The following DAB1 variants were observed in gnomAD, a reference collection of about 807,000 sequenced individuals.
DAB1 encodes DAB adaptor protein 1, also known as disabled homolog 1.
In DAB1, 15 loss-of-function variants were observed where a neutral mutation model predicts 64.6. The ratio of observed to expected loss-of-function variants is 0.23; its 90% CI spans 0.16 to 0.36. The LOEUF is 0.36. Among genes scored for constraint, DAB1 ranks in the 10% least tolerant of loss-of-function variants. The pLI, the probability that DAB1 is intolerant of heterozygous loss-of-function variation, is 1.00. For synonymous variants in DAB1, 235 were observed against 251.9 expected, an observed-to-expected ratio of 0.93 and a Z score of 0.64; for missense variants, 596 against 706.7, an observed-to-expected ratio of 0.84 and a Z score of 1.78.
At chr1:58,125,489 G>A (rs928983463) in intron 5 of DAB1, among the ~76,000 whole-genome samples, 3 of 149,438 alleles carry the variant, frequency 2.0e-5, no homozygotes, top group Admixed American at 1.3e-4. Context: ...CACCCAGGCT[G>A]GAGTGCAGTG....
intron 1 of DAB1, among the ~76,000 whole-genome samples, chr1:58,544,593 G>A (rs1646671823): frequency 6.6e-6 from 1 of 152,042 alleles, no homozygotes; most frequent in Non-Finnish European, 1.5e-5. Context: ...AATTCCCATT[G>A]TTTTTCTTTT....
chr1:58,259,984 C>T (rs1001513260), intron 4 of DAB1, among the ~76,000 whole-genome samples: 2 of 152,154 alleles, frequency 1.3e-5, no homozygotes, highest in East Asian at 1.9e-4. Flanking sequence ...TATTACTAAA[C>T]CTATTTATGG....
rs185245935 is a variant in DAB1 at position 58,354,898 on chromosome 1, C to G, written n.258-11495G>C. Among the ~76,000 whole-genome samples, 259 of 152,292 alleles carry G rather than the reference C, an allele frequency of 1.7e-3. 1 individual carries two copies. Among genetic ancestry groups the G allele is most frequent in the African/African-American group, 6.1e-3 (254 of 41,570 alleles). On this transcript the variant is annotated intron_variant and non_coding_transcript_variant, in intron 3 of 20. Transcript: ENST00000485760. The stretch of plus-strand genomic sequence containing the variant: ...CATGTGTAACTTGCCCAAAATCACA[C>G]AGCTGACAAATAGCATCATTAGACT...
chr1:57,707,519 A>T (rs1410145092), intron 6 of DAB1, among the ~76,000 whole-genome samples: 1 of 152,060 alleles, frequency 6.6e-6, no homozygotes, highest in African/African-American at 2.4e-5. Context: ...CGAGGTTTTC[A>T]TTTCTCTGGG....
intron 1 of DAB1, among the ~76,000 whole-genome samples, chr1:57,421,895 G>T (rs1458693983): frequency 1.1e-4 from 13 of 119,314 alleles, no homozygotes; most frequent in Non-Finnish European, 1.9e-4. Context: ...AAAGAGATGG[G>T]GGGTGGCGGG....
intron 5 of DAB1, among the ~76,000 whole-genome samples, chr1:57,974,397 G>C (rs547566067): frequency 7.2e-5 from 11 of 152,078 alleles, no homozygotes; most frequent in African/African-American, 2.4e-4. Context: ...TTGTTCACTG[G>C]TGTATCTCTG....
chr1:57,912,433 G>A lies in DAB1; in HGVS notation n.388-28271C>T, dbSNP rs1214775850. ...ACTCTCAATAAATTAGGTATTGATG[G>A]GATGCATCTCAAAATAATAAGAGCT... is the stretch of plus-strand genomic sequence containing the variant. On this transcript the variant is annotated intron_variant and non_coding_transcript_variant, in intron 5 of 20. Coordinates refer to the DAB1 transcript ENST00000485760. Among the ~76,000 whole-genome samples, 7 of 152,230 alleles carry A rather than the reference G, an allele frequency of 4.6e-5. 1 individual carries two copies. The South Asian group carries it at 8.3e-4, about 18-fold the overall frequency.
At chr1:58,012,896 G>A (rs1316056199) in intron 5 of DAB1, among the ~76,000 whole-genome samples, 1 of 152,210 alleles carries the variant, frequency 6.6e-6, no homozygotes, top group African/African-American at 2.4e-5. Context: ...CTGTGTGGCA[G>A]GCTGTGGAAA....
At chr1:57,810,135 G>A (rs1265534589) in intron 6 of DAB1, among the ~76,000 whole-genome samples, 1 of 152,126 alleles carries the variant, frequency 6.6e-6, no homozygotes, top group Non-Finnish European at 1.5e-5. Context: ...AGATTCATGA[G>A]GGGAGAGGGA....
chr1:57,968,100 G>A (rs1475124092), intron 5 of DAB1, among the ~76,000 whole-genome samples: 6 of 151,918 alleles, frequency 3.9e-5, no homozygotes, highest in Admixed American at 2.6e-4. Flanking sequence ...AAGAGTGTGT[G>A]GATGTGTGTG....
intron 2 of DAB1, among the ~76,000 whole-genome samples, chr1:57,259,344 G>A (rs181044188): frequency 1.3e-3 from 193 of 152,290 alleles, no homozygotes; most frequent in Non-Finnish European, 2.3e-3. Flanking sequence ...GAGCCCTACA[G>A]TGAGGGAAGC....
chr1:58,251,395 G>C (rs574908123), intron 4 of DAB1, among the ~76,000 whole-genome samples: 1 of 152,288 alleles, frequency 6.6e-6, no homozygotes, highest in South Asian at 2.1e-4. Flanking sequence ...GAAACTATTG[G>C]ATAGTAATAA....
intron 6 of DAB1, among the ~76,000 whole-genome samples, chr1:57,781,126 C>CTCTCTCTATATA (rs1557477160): frequency 1.1e-4 from 3 of 27,724 alleles, no homozygotes; most frequent in African/African-American, 1.4e-4. Context: ...CTCTCTCTCT[C>CTCTCTCTATATA]TATATATATA....
intron 6 of DAB1, among the ~76,000 whole-genome samples, chr1:57,761,728 C>G (rs1292549985): frequency 6.6e-6 from 1 of 152,248 alleles, no homozygotes; most frequent in Non-Finnish European, 1.5e-5. Context: ...CAAGTCAACC[C>G]AGGTTTGTCC....
intron 5 of DAB1, among the ~76,000 whole-genome samples, chr1:58,147,921 T>C (rs1034857312): frequency 6.8e-6 from 1 of 147,268 alleles, no homozygotes; most frequent in African/African-American, 2.5e-5. Context: ...AGCAGGGATT[T>C]CAATCCATAT....
At chr1:58,112,951 A>G (rs1370905479) in intron 5 of DAB1, among the ~76,000 whole-genome samples, 1 of 152,224 alleles carries the variant, frequency 6.6e-6, no homozygotes, top group Non-Finnish European at 1.5e-5. Flanking sequence ...GCTTCCTGTG[A>G]GAAGATGAAT....
chr1:57,971,426 G>C (rs1180013632), intron 5 of DAB1, among the ~76,000 whole-genome samples: 1 of 152,182 alleles, frequency 6.6e-6, no homozygotes, highest in African/African-American at 2.4e-5. Context: ...GCTAGGTCTA[G>C]AGTTCTGAAA....
chr1:58,087,804 T>C (rs1303393470), intron 5 of DAB1, among the ~76,000 whole-genome samples: 1 of 152,236 alleles, frequency 6.6e-6, no homozygotes, highest in Non-Finnish European at 1.5e-5. Context: ...ACGACATCTA[T>C]GGACATTTAA....
chr1:57,555,278 C>T (rs1177092247), intron 7 of DAB1, among the ~76,000 whole-genome samples: 3 of 151,910 alleles, frequency 2.0e-5, no homozygotes, highest in Non-Finnish European at 4.4e-5. Flanking sequence ...TGTGATCTGC[C>T]TGCCTCGGCC....
Sources: allele counts gnomAD v4.1 joint callset (sites outside exome capture counted in the v4.1 genomes callset), GRCh38; gene constraint gnomAD v4.1.1; transcripts MANE v1.5; gene names NCBI Gene and HGNC (gene_info 2026-07-23, HGNC 2026-07-21).